The following TSPAN5 variants were observed in gnomAD, a reference collection of about 807,000 sequenced individuals.
The protein encoded by TSPAN5 is tetraspanin 5.
TSPAN5 carries 10 observed loss-of-function variants against 37.1 expected under a neutral mutation model. That is an observed-to-expected ratio of 0.27 (90% CI 0.17 to 0.46). TSPAN5 has a LOEUF of 0.46. TSPAN5 is among the 20% of genes least tolerant of loss of function. The pLI is 1.00. For synonymous variants in TSPAN5, 110 were observed against 118.9 expected (o/e 0.93, Z 0.48); for missense variants, 195 against 326.6 (o/e 0.60, Z 3.11).
chr4:98,526,602 C>T (rs938637091), intron 1 of TSPAN5, among the ~76,000 whole-genome samples: 1 of 151,420 alleles, frequency 6.6e-6, no homozygotes, highest in African/African-American at 2.4e-5. Context: ...AACCTAAATG[C>T]CAATTTGCAG....
chr4:98,586,194 C>A (rs1420102604), intron 1 of TSPAN5, among the ~76,000 whole-genome samples: 1 of 152,194 alleles, frequency 6.6e-6, no homozygotes, highest in East Asian at 1.9e-4. Flanking sequence ...TAAGAGTCCA[C>A]ACTATTATTT....
intron 1 of TSPAN5, among the ~76,000 whole-genome samples, chr4:98,625,989 A>G (rs1756590750): frequency 1.3e-5 from 2 of 152,240 alleles, no homozygotes; most frequent in Non-Finnish European, 1.5e-5. Flanking sequence ...AAGTATCTCT[A>G]AAGGATTTTC....
At chr4:98,494,296 C>G (rs11946381) in intron 2 of TSPAN5, among the ~76,000 whole-genome samples, 56,739 of 151,664 alleles carry the variant, frequency 0.37, 10,836 homozygotes, top group South Asian at 0.47. Flanking sequence ...CTCCAATATC[C>G]CCTGGGATCC....
At chr4:98,576,416 T>C (rs944197111) in intron 1 of TSPAN5, among the ~76,000 whole-genome samples, 1 of 152,168 alleles carries the variant, frequency 6.6e-6, no homozygotes, top group African/African-American at 2.4e-5. Context: ...ATATGTTGAT[T>C]TTTATCTAGA....
Position 98,476,466 on chromosome 4 carries a change from G to A in TSPAN5, c.577-6C>T, listed in dbSNP as rs1335343423. 13 of 1,613,908 alleles carry A rather than the reference G, an allele frequency of 8.1e-6. No homozygotes were observed. The highest frequency in any genetic ancestry group is 1.6e-4 in the Middle Eastern group (1 of 6,068). On this transcript the variant is annotated splice_polypyrimidine_tract_variant and splice_region_variant and intron_variant, in intron 5 of 7. Transcript: ENST00000305798. ...TGAGTGTTGATGACATCTTCCTGGT[G>A]AAGAAAGGAAAGAGAAAAGTGAAAT...
chr4:98,524,512 C>T (rs557288181), intron 1 of TSPAN5, among the ~76,000 whole-genome samples: 11 of 152,124 alleles, frequency 7.2e-5, no homozygotes, highest in African/African-American at 9.7e-5. Flanking sequence ...CAGCCAGTAA[C>T]GTAAATAAGC....
intron 1 of TSPAN5, among the ~76,000 whole-genome samples, chr4:98,551,363 T>C (rs1329116733): frequency 6.6e-6 from 1 of 151,848 alleles, no homozygotes; most frequent in Non-Finnish European, 1.5e-5. Flanking sequence ...CCTTGTCTGG[T>C]TTTGGTATCA....
chr4:98,564,838 T>C (rs985680845), intron 1 of TSPAN5, among the ~76,000 whole-genome samples: 2 of 152,086 alleles, frequency 1.3e-5, no homozygotes, highest in Admixed American at 6.6e-5. Flanking sequence ...ATTTCTACTG[T>C]CACTAAATAA....
At chr4:98,530,103 G>A (rs928005758) in intron 1 of TSPAN5, among the ~76,000 whole-genome samples, 1 of 152,194 alleles carries the variant, frequency 6.6e-6, no homozygotes, top group Admixed American at 6.5e-5. Flanking sequence ...CTGAGCATCA[G>A]GCATGGGCCT....
At chr4:98,511,526 T>A (rs1199480785) in intron 1 of TSPAN5, among the ~76,000 whole-genome samples, 1 of 152,182 alleles carries the variant, frequency 6.6e-6, no homozygotes, top group East Asian at 1.9e-4. Flanking sequence ...AAACACAATA[T>A]AATAATCTTA....
At chr4:98,480,475 A>G (rs1752813479) in intron 4 of TSPAN5, among the ~76,000 whole-genome samples, 1 of 152,216 alleles carries the variant, frequency 6.6e-6, no homozygotes, top group African/African-American at 2.4e-5. Flanking sequence ...AGGCTACTAC[A>G]CAAGCCCCTT....
intron 7 of TSPAN5, among the ~76,000 whole-genome samples, chr4:98,474,388 C>G (rs1752650772): frequency 6.6e-6 from 1 of 152,200 alleles, no homozygotes; most frequent in African/African-American, 2.4e-5. Flanking sequence ...GGATCTTGCT[C>G]TGTCACCCAG....
chr4:98,623,167 A>G (rs759436864), intron 1 of TSPAN5, among the ~76,000 whole-genome samples: 1 of 152,188 alleles, frequency 6.6e-6, no homozygotes, highest in African/African-American at 2.4e-5. Context: ...TTGACCTGTT[A>G]TCAGAACTGG....
chr4:98,630,403 T>TACAAA (rs150492998), intron 1 of TSPAN5, among the ~76,000 whole-genome samples: 3,328 of 152,348 alleles, frequency 0.022, 53 homozygotes, highest in Non-Finnish European at 0.034. Flanking sequence ...TTTAGACTTA[T>TACAAA]ACACCACTTC....
intron 1 of TSPAN5, among the ~76,000 whole-genome samples, chr4:98,537,515 T>C (rs1048247194): frequency 2.0e-5 from 3 of 152,210 alleles, no homozygotes; most frequent in Non-Finnish European, 2.9e-5. Context: ...GAAACAGCCC[T>C]AGTACCTTTA....
intron 1 of TSPAN5, among the ~76,000 whole-genome samples, chr4:98,633,807 C>T (rs970134818): frequency 7.9e-5 from 12 of 152,120 alleles, no homozygotes; most frequent in African/African-American, 1.2e-4. Context: ...CGGCCGGGCA[C>T]GATGGCTGAC....
At chr4:98,542,515 A>G (rs988661254) in intron 1 of TSPAN5, among the ~76,000 whole-genome samples, 18 of 152,066 alleles carry the variant, frequency 1.2e-4, no homozygotes, top group African/African-American at 2.4e-5. Context: ...CAGGAGTTCA[A>G]GACCAGCCGA....
chr4:98,641,996 A>G (rs147001689), intron 1 of TSPAN5, among the ~76,000 whole-genome samples: 55 of 152,350 alleles, frequency 3.6e-4, no homozygotes, highest in Non-Finnish European at 6.8e-4. Flanking sequence ...AATTATTTGT[A>G]AGGTCTCTTT....
intron 1 of TSPAN5, among the ~76,000 whole-genome samples, chr4:98,578,592 G>A (rs1280606936): frequency 2.0e-4 from 30 of 152,022 alleles, no homozygotes; most frequent in Admixed American, 1.9e-3. Flanking sequence ...GCTAATTTTT[G>A]TATTTGTAGT....
Sources: allele counts gnomAD v4.1 joint callset (sites outside exome capture counted in the v4.1 genomes callset), GRCh38; gene constraint gnomAD v4.1.1; transcripts MANE v1.5; gene names NCBI Gene and HGNC (gene_info 2026-07-23, HGNC 2026-07-21).